Variants in GUCY2D observed in about 807,000 individuals in gnomAD.
GUCY2D encodes retinal guanylyl cyclase 1.
A neutral mutation model predicts 101.3 loss-of-function variants in GUCY2D; 70 were observed. The ratio of observed to expected loss-of-function variants is 0.69; its 90% CI spans 0.57 to 0.84. GUCY2D has a LOEUF of 0.84. Ranked by LOEUF, GUCY2D falls within the 40% of genes least tolerant of loss-of-function variation. GUCY2D has a pLI of 0.00. For synonymous variants in GUCY2D, 688 were observed against 670.7 expected, an observed-to-expected ratio of 1.03 and a Z score of -0.40; for missense variants, 1,460 against 1,542.5, an observed-to-expected ratio of 0.95 and a Z score of 0.90.
In GUCY2D at chr17:8,002,708, C is replaced by A; in HGVS notation, c.-36C>A. On this transcript the variant is annotated 5_prime_UTR_variant, in exon 1 of 20. Coordinates refer to ENST00000254854, the MANE Select transcript of GUCY2D (RefSeq NM_000180.4). This position sits in a 1 kb window ranked among gnomAD's most constrained non-coding sequence, Gnocchi z 4.9. ...GGCCCTGTGACCCCTCACCGGGGGC[C>A]GTGGGCCCGAGCCCCCGGACTTCCC... 6.5e-6 allele frequency: 1 copy of A among 154,868 alleles called. No homozygotes were observed. Among genetic ancestry groups the A allele is most frequent in the South Asian group, 1.3e-4 (1 of 7,596 alleles). 9.6% of individuals were successfully genotyped at this position (154,868 alleles called of 1,614,324 possible). A position where few individuals can be genotyped will look rare whatever the true frequency, so the allele number is the denominator to read the frequency against.
At chr17:8,005,353 G>C (rs537928701) in intron 3 of GUCY2D, among the ~76,000 whole-genome samples, 1 of 152,268 alleles carries the variant, frequency 6.6e-6, no homozygotes, top group East Asian at 1.9e-4. Context: ...ATCTCACCCT[G>C]TCATGCCCCT....
chr17:8,003,590 G>A lies in GUCY2D; in HGVS notation c.543G>A (p.Trp181Ter), dbSNP rs1403798841. Residue 181 changes from tryptophan (W) to a stop codon, truncating the protein, a stop_gained, in exon 2 of 20, where the codon TGG becomes TGA. Transcript: ENST00000254854. LOFTEE classifies it high-confidence loss of function. The part of the protein sequence containing the change: ...ALYALLRAFG[W>*]ARVALVTAPQ... Reference sequence around the variant, plus strand: ...ACGCCCTGCTTCGCGCATTCGGCTGGGCGCGCGTGGCCCTGGTCACCGCCC... The same window carrying A: ...ACGCCCTGCTTCGCGCATTCGGCTGAGCGCGCGTGGCCCTGGTCACCGCCC... The A allele has an allele frequency of 2.5e-6, 4 of 1,585,810 alleles. No individual in the cohort carries two copies. Among genetic ancestry groups the A allele is most frequent in the East Asian group, 2.3e-5 (1 of 44,322 alleles).
At position 8,006,369 on chromosome 17, in the gene GUCY2D, C is replaced by G. The variant is rs755696904; in HGVS notation, c.1033C>G (p.Pro345Ala). The change falls in exon 4 of 20, where the codon CCA becomes GCA. Residue 345 changes from proline (P) to alanine (A), a missense_variant. By Grantham distance (27) the Pro-to-Ala change is conservative. Around this residue, in one of 3 missense-constraint regions of GUCY2D, gnomAD observed 1,196 missense variants for 1,229.6 expected, o/e 0.97. Transcript: ENST00000254854. ...PSDLNLQQVS[P>A]LFGTIYDAVF... The stretch of plus-strand genomic sequence containing the variant: ...CCCTACTCTCCTTCTCCAGGTCTCC[C>G]CACTCTTTGGCACCATCTATGACGC... 8.7e-6 allele frequency: 14 copies of G among 1,600,054 alleles called. No individual in the cohort carries two copies. Among genetic ancestry groups the G allele is most frequent in the Non-Finnish European group, 1.1e-5 (13 of 1,179,802 alleles).
rs759562174 is a variant in GUCY2D at position 8,013,268 on chromosome 17, G to C, written c.2263+16G>C. 6.2e-7 allele frequency: 1 copy of C among 1,613,678 alleles called. No homozygotes were observed. The highest frequency in any genetic ancestry group is 1.7e-5 in the Admixed American group (1 of 59,984). ...ACTCCCGAGGGTAAGGCTGCCCTGT[G>C]CGTGGAGTTCGGCCCACAGGGGCAC... On this transcript the variant is annotated intron_variant, in intron 11 of 19. Coordinates refer to ENST00000254854, the MANE Select transcript of GUCY2D (RefSeq NM_000180.4). The surrounding 1 kb of genome is among the most constrained non-coding windows in gnomAD (Gnocchi z 5.0).
At position 8,013,286 on chromosome 17, in the gene GUCY2D, AG is replaced by A; in HGVS notation, c.2263+38del. 1 of 1,608,390 alleles carries A rather than the reference AG, an allele frequency of 6.2e-7. No individual in the cohort carries two copies. The highest frequency in any genetic ancestry group is 8.5e-7 in the Non-Finnish European group (1 of 1,175,478). ...GCCCTGTGCGTGGAGTTCGGCCCAC[AG>A]GGGCACCCTGCAGTTAGAAAAGAGC... On this transcript the variant is annotated intron_variant, in intron 11 of 19. Coordinates refer to ENST00000254854, the MANE Select transcript of GUCY2D (RefSeq NM_000180.4). The surrounding 1 kb of genome is among the most constrained non-coding windows in gnomAD (Gnocchi z 5.0).
At chr17:8,019,106 G>T (rs1431836870) in intron 19 of GUCY2D, among the ~76,000 whole-genome samples, 1 of 152,184 alleles carries the variant, frequency 6.6e-6, no homozygotes, top group African/African-American at 2.4e-5. Flanking sequence ...CATTCTTGAA[G>T]ATTTTCCTTA....
chr17:8,002,737 A>C lies in GUCY2D; in HGVS notation c.-10+3A>C. Reference sequence around the variant, plus strand: ...GGCCCGAGCCCCCGGACTTCCCTGTAAATGTCAGAGGCCCCTCCGCTGGGA... The same window carrying C: ...GGCCCGAGCCCCCGGACTTCCCTGTCAATGTCAGAGGCCCCTCCGCTGGGA... On this transcript the variant is annotated splice_donor_region_variant and intron_variant, in intron 1 of 19. Coordinates refer to ENST00000254854, the MANE Select transcript of GUCY2D (RefSeq NM_000180.4). The surrounding 1 kb of genome is among the most constrained non-coding windows in gnomAD (Gnocchi z 4.9). 3.0e-5 allele frequency: 10 copies of C among 332,242 alleles called. No homozygotes were observed. Among genetic ancestry groups the C allele is most frequent in the Non-Finnish European group, 5.5e-5 (10 of 182,398 alleles). The allele number at this position is 332,242 out of a possible 1,614,324, so 20.6% of individuals were successfully genotyped here. A position where few individuals can be genotyped will look rare whatever the true frequency, so the allele number is the denominator to read the frequency against.
Position 8,014,827 on chromosome 17 carries a change from C to T in GUCY2D, c.2577-32C>T. On this transcript the variant is annotated intron_variant, in intron 13 of 19. Transcript: ENST00000254854. The surrounding 1 kb of genome is among the most constrained non-coding windows in gnomAD (Gnocchi z 4.0). ...CTGGAGCCCAGCCAGGTAGAGTGGCCCCCAGGTGACCTCACTGCCTGCCAT... is the reference window on the plus strand; with the variant it reads ...CTGGAGCCCAGCCAGGTAGAGTGGCTCCCAGGTGACCTCACTGCCTGCCAT... 3 of 1,613,090 alleles carry T rather than the reference C, an allele frequency of 1.9e-6. No individual in the cohort carries two copies. Among genetic ancestry groups the T allele is most frequent in the South Asian group, 1.1e-5 (1 of 91,034 alleles).
chr17:8,013,024 G>C lies in GUCY2D; in HGVS notation c.2114-79G>C. ...GGTCTCAGGCTGCAGGGTTGGTGGT[G>C]TCTGGGTGCCAACCTGGGCTTTCTG... is the stretch of plus-strand genomic sequence containing the variant. On this transcript the variant is annotated intron_variant, in intron 10 of 19. Transcript: ENST00000254854. This position sits in a 1 kb window ranked among gnomAD's most constrained non-coding sequence, Gnocchi z 5.0. 1 of 1,385,254 alleles carries C rather than the reference G, an allele frequency of 7.2e-7. No homozygotes were observed. Among genetic ancestry groups the C allele is most frequent in the Non-Finnish European group, 1.0e-6 (1 of 993,418 alleles). The allele number at this position is 1,385,254 out of a possible 1,614,324, so 85.8% of individuals were successfully genotyped here.
Position 8,013,855 on chromosome 17 carries a change from C to G in GUCY2D, c.2264-25C>G, listed in dbSNP as rs1314353200. ...GCCTTTGTGTTCTGGGGGCACTCCC[C>G]CTCACTGTCCCCTCATGCCTCCAGA... On this transcript the variant is annotated intron_variant, in intron 11 of 19. Coordinates refer to ENST00000254854, the MANE Select transcript of GUCY2D (RefSeq NM_000180.4). This position sits in a 1 kb window ranked among gnomAD's most constrained non-coding sequence, Gnocchi z 5.0. 5 of 1,609,562 alleles carry G rather than the reference C, an allele frequency of 3.1e-6. No homozygotes were observed. Among genetic ancestry groups the G allele is most frequent in the Non-Finnish European group, 4.3e-6 (5 of 1,176,190 alleles).
intron 19 of GUCY2D, among the ~76,000 whole-genome samples, chr17:8,018,153 C>A (rs1328276787): frequency 6.6e-6 from 1 of 152,136 alleles, no homozygotes; most frequent in African/African-American, 2.4e-5. Context: ...GCTAGGAAAC[C>A]ACCTAGGCTG....
At chr17:8,009,212 G>A (rs1352508509) in intron 7 of GUCY2D, among the ~76,000 whole-genome samples, 3 of 152,172 alleles carry the variant, frequency 2.0e-5, no homozygotes, top group African/African-American at 4.8e-5. Flanking sequence ...TTGTGATGTC[G>A]ATGACACTTG....
intron 19 of GUCY2D, among the ~76,000 whole-genome samples, chr17:8,017,268 GGTGGCTT>G (rs1309176878): frequency 6.6e-6 from 1 of 152,168 alleles, no homozygotes; most frequent in Non-Finnish European, 1.5e-5. Flanking sequence ...CTGACAGCTG[GGTGGCTT>G]GTGGCCCTCA....
chr17:8,003,122 C>A lies in GUCY2D; in HGVS notation c.75C>A (p.Ser25=). 6.6e-7 allele frequency: 1 copy of A among 1,517,260 alleles called. No individual in the cohort carries two copies. The highest frequency in any genetic ancestry group is 8.8e-7 in the Non-Finnish European group (1 of 1,138,872). 94.0% of individuals were successfully genotyped at this position (1,517,260 alleles called of 1,614,324 possible). A position where few individuals can be genotyped will look rare whatever the true frequency, so the allele number is the denominator to read the frequency against. The change falls in exon 2 of 20, where the codon TCC becomes TCA. Residue 25 remains serine, a synonymous_variant. Transcript: ENST00000254854. The part of the protein sequence containing the change: ...GLCGPAWWAP[S]LPRLPRALPR... ...GCGGTCCCGCGTGGTGGGCTCCGTC[C>A]CTGCCCCGCCTCCCCCGGGCCCTGC...
intron 18 of GUCY2D, 76 bp from the exon 19 acceptor site, chr17:8,016,367 C>G (rs938749440): frequency 8.4e-6 from 12 of 1,432,710 alleles, no homozygotes; most frequent in Non-Finnish European, 1.1e-5. Flanking sequence ...CCCCCGCGCG[C>G]GAGGCAGCGA....
chr17:8,011,673 T>G lies in GUCY2D; in HGVS notation c.1750-471T>G, dbSNP rs995431374. Among the ~76,000 whole-genome samples, 1 of 151,930 alleles carries G rather than the reference T, an allele frequency of 6.6e-6. No homozygotes were observed. ...CTCCCATCTCTACAGAAAAAAAATT[T>G]TAAATGTTATCTAGGCATGGTGGCA... On this transcript the variant is annotated intron_variant, in intron 8 of 19. Coordinates refer to ENST00000254854, the MANE Select transcript of GUCY2D (RefSeq NM_000180.4). The surrounding 1 kb of genome is among the most constrained non-coding windows in gnomAD (Gnocchi z 4.3).
At position 8,006,565 on chromosome 17, in the gene GUCY2D, C is replaced by G. The variant is rs773030462; in HGVS notation, c.1229C>G (p.Ala410Gly). Residue 410 changes from alanine to glycine, a missense_variant, in exon 4 of 20, where the codon GCG becomes GGG. Coordinates refer to ENST00000254854, the MANE Select transcript of GUCY2D (RefSeq NM_000180.4). ...PPFVLLDTDA[A>G]GDRLFATYML... is the part of the protein sequence containing the mutation. The stretch of plus-strand genomic sequence containing the variant: ...TTCGTGCTGCTAGACACGGACGCGG[C>G]GGGAGACCGGCTTTTTGCCACATAC... The G allele has an allele frequency of 1.9e-6, 3 of 1,613,242 alleles. No homozygotes were observed. Among genetic ancestry groups the G allele is most frequent in the African/African-American group, 2.7e-5 (2 of 74,924 alleles).
At position 8,015,855 on chromosome 17, in the gene GUCY2D, G is replaced by A. The variant is rs1178871111; in HGVS notation, c.3043+14G>A. The A allele has an allele frequency of 8.7e-6, 14 of 1,608,006 alleles. No homozygotes were observed. Among genetic ancestry groups the A allele is most frequent in the Non-Finnish European group, 1.2e-5 (14 of 1,176,622 alleles). On this transcript the variant is annotated intron_variant, in intron 16 of 19. Coordinates refer to ENST00000254854, the MANE Select transcript of GUCY2D (RefSeq NM_000180.4). ...CCACCGGGCTGCGTGAGTGTGACGG[G>A]GACAAGACGGGGAGGTGGGAGGGGG...
rs1256508310 is a variant in GUCY2D, at chr17:8,003,586, G to GCTGGGCGCGCGTGGCC, written c.544_559dup (p.Val187GlyfsTer137). The GCTGGGCGCGCGTGGCC allele has an allele frequency of 6.3e-7, 1 of 1,584,632 alleles. No homozygotes were observed. Among genetic ancestry groups the GCTGGGCGCGCGTGGCC allele is most frequent in the Non-Finnish European group, 8.5e-7 (1 of 1,172,260 alleles). ...CTCTACGCCCTGCTTCGCGCATTCG[G>GCTGGGCGCGCGTGGCC]CTGGGCGCGCGTGGCCCTGGTCACC... On this transcript the variant is annotated frameshift_variant, in exon 2 of 20. Coordinates refer to ENST00000254854, the MANE Select transcript of GUCY2D (RefSeq NM_000180.4). LOFTEE classifies it high-confidence loss of function.
Sources: allele counts gnomAD v4.1 joint callset (sites outside exome capture counted in the v4.1 genomes callset), GRCh38; gene constraint gnomAD v4.1.1; regional missense constraint gnomAD v4.1.1; non-coding constraint Gnocchi (gnomAD v3.1); transcripts MANE v1.5; gene names NCBI Gene and HGNC (gene_info 2026-07-23, HGNC 2026-07-21).